GRID2: variants seen among roughly 807,000 people sequenced by gnomAD.
The protein encoded by GRID2 is glutamate ionotropic receptor delta type subunit 2.
A neutral mutation model predicts 114.8 loss-of-function variants in GRID2; 33 were observed. The observed-to-expected ratio is 0.29, with a 90% CI of 0.22 to 0.38. GRID2 has a LOEUF of 0.38. Among genes scored for constraint, GRID2 ranks in the 10% least tolerant of loss-of-function variants. The pLI is 1.00. For synonymous variants in GRID2, 505 were observed against 449.9 expected (o/e 1.12, Z -1.55); for missense variants, 1,184 against 1,257.7 (o/e 0.94, Z 0.89).
At chr4:92,849,573 T>C (rs1482331034) in intron 2 of GRID2, among the ~76,000 whole-genome samples, 1 of 151,936 alleles carries the variant, frequency 6.6e-6, no homozygotes, top group Non-Finnish European at 1.5e-5. Flanking sequence ...TTACCTCACA[T>C]TGTCAGCTTC....
chr4:93,244,565 T>G (rs1257835220), intron 8 of GRID2, among the ~76,000 whole-genome samples: 1 of 35,472 alleles, frequency 2.8e-5, no homozygotes, highest in African/African-American at 1.3e-4. Flanking sequence ...TATAATCTAT[T>G]ATATATTAAT....
chr4:93,269,838 A>G (rs1365053665), intron 8 of GRID2, among the ~76,000 whole-genome samples: 1 of 152,082 alleles, frequency 6.6e-6, no homozygotes, highest in African/African-American at 2.4e-5. Flanking sequence ...ATCACATCCT[A>G]GGATGCCTTT....
intron 2 of GRID2, among the ~76,000 whole-genome samples, chr4:92,674,246 C>T (rs533939168): frequency 6.6e-6 from 1 of 152,202 alleles, no homozygotes; most frequent in African/African-American, 2.4e-5. Context: ...TCTCCTTCCT[C>T]TAGGACTTCA....
chr4:92,319,172 T>C (rs1205799295), intron 1 of GRID2, among the ~76,000 whole-genome samples: 1 of 152,206 alleles, frequency 6.6e-6, no homozygotes, highest in Non-Finnish European at 1.5e-5. Context: ...TACTTACTCC[T>C]AAGAAGTGAA....
intron 7 of GRID2, among the ~76,000 whole-genome samples, chr4:93,227,660 A>G (rs1227458966): frequency 4.6e-5 from 7 of 152,222 alleles, no homozygotes; most frequent in Non-Finnish European, 4.4e-5. Context: ...ATGTACAGGT[A>G]AAAGTAGCCA....
At chr4:93,668,986 T>C (rs1724177181) in intron 14 of GRID2, among the ~76,000 whole-genome samples, 2 of 152,106 alleles carry the variant, frequency 1.3e-5, no homozygotes, top group Non-Finnish European at 1.5e-5. Flanking sequence ...GCTAACATTA[T>C]GTTTTATAGT....
At chr4:93,743,733 T>A (rs751274785) in intron 14 of GRID2, among the ~76,000 whole-genome samples, 50 of 152,170 alleles carry the variant, frequency 3.3e-4, no homozygotes, top group Non-Finnish European at 6.8e-4. Flanking sequence ...GAGGAATCTG[T>A]CAAGATAACA....
chr4:92,929,494 T>C (rs1750066754), intron 2 of GRID2, among the ~76,000 whole-genome samples: 1 of 151,370 alleles, frequency 6.6e-6, no homozygotes, highest in South Asian at 2.1e-4. Flanking sequence ...TTTTGTATAG[T>C]AAGTATGGAT....
intron 2 of GRID2, among the ~76,000 whole-genome samples, chr4:92,960,311 C>G (rs1229873207): frequency 2.6e-5 from 4 of 151,966 alleles, no homozygotes; most frequent in Non-Finnish European, 5.9e-5. Context: ...CAAATATATC[C>G]TTACTTATTT....
intron 10 of GRID2, among the ~76,000 whole-genome samples, chr4:93,427,446 A>G (rs1207339497): frequency 6.6e-6 from 1 of 152,054 alleles, no homozygotes; most frequent in Non-Finnish European, 1.5e-5. Flanking sequence ...TTTTAAAATT[A>G]ACAGGATTAA....
intron 5 of GRID2, among the ~76,000 whole-genome samples, chr4:93,212,577 C>T (rs569577117): frequency 1.4e-4 from 21 of 152,222 alleles, no homozygotes; most frequent in African/African-American, 2.2e-4. Flanking sequence ...GATAGGAAGA[C>T]GTGCACTGTT....
intron 3 of GRID2, among the ~76,000 whole-genome samples, chr4:93,103,994 C>G (rs1218543520): frequency 2.6e-5 from 4 of 151,196 alleles, no homozygotes; most frequent in Non-Finnish European, 1.5e-5. Flanking sequence ...TATATTGCAC[C>G]CAGGAAGTAA....
intron 2 of GRID2, among the ~76,000 whole-genome samples, chr4:92,784,277 A>T (rs1739218346): frequency 6.6e-6 from 1 of 151,970 alleles, no homozygotes; most frequent in Admixed American, 6.6e-5. Context: ...GTGGCAAAAC[A>T]TTTTTTAATG....
chr4:93,765,935 T>C (rs1462366691), intron 14 of GRID2, among the ~76,000 whole-genome samples: 1 of 152,144 alleles, frequency 6.6e-6, no homozygotes, highest in Non-Finnish European at 1.5e-5. Flanking sequence ...TTCAACTGTT[T>C]ATTAAATGGA....
intron 13 of GRID2, among the ~76,000 whole-genome samples, chr4:93,625,840 G>A (rs1182938101): frequency 6.6e-6 from 1 of 152,122 alleles, no homozygotes; most frequent in Non-Finnish European, 1.5e-5. Context: ...GCGTGAACCC[G>A]GGAGGTGGAG....
At chr4:92,740,224 T>C (rs1736807348) in intron 2 of GRID2, among the ~76,000 whole-genome samples, 1 of 152,186 alleles carries the variant, frequency 6.6e-6, no homozygotes, top group Non-Finnish European at 1.5e-5. Context: ...ACTGGTCAAC[T>C]GTGTGTAACT....
At chr4:92,833,103 C>A (rs961862746) in intron 2 of GRID2, among the ~76,000 whole-genome samples, 10 of 152,138 alleles carry the variant, frequency 6.6e-5, no homozygotes, top group Non-Finnish European at 8.8e-5. Context: ...TTCAACACAG[C>A]ATGAACAATA....
At chr4:92,725,289 G>C (rs1255879889) in intron 2 of GRID2, among the ~76,000 whole-genome samples, 1 of 152,112 alleles carries the variant, frequency 6.6e-6, no homozygotes, top group African/African-American at 2.4e-5. Context: ...TGGTGACAGA[G>C]CAACACTGTC....
rs114796173 is a variant in GRID2 at position 92,932,432 on chromosome 4, A to C, written c.245-152563A>C. ...CCAAAATTTGGCAAGGATGTGAAACAATTGTAAACTATAGCTCCCATACAC... is the reference window on the plus strand; with the variant it reads ...CCAAAATTTGGCAAGGATGTGAAACCATTGTAAACTATAGCTCCCATACAC... On this transcript the variant is annotated intron_variant, in intron 2 of 15. Transcript: ENST00000282020. 8.0e-3 allele frequency among the ~76,000 whole-genome samples: 1,213 copies of C among 151,362 alleles called. 24 individuals carry two copies. Among genetic ancestry groups the C allele is most frequent in the African/African-American group, 0.028 (1,164 of 41,466 alleles).
Sources: gnomAD v4.1 joint callset for allele counts (sites outside exome capture counted in the v4.1 genomes callset) on GRCh38, gnomAD v4.1.1 for gene constraint, MANE v1.5 for transcripts, NCBI Gene and HGNC (gene_info 2026-07-23, HGNC 2026-07-21) for gene names.